The following PLXNA1 variants were observed in gnomAD, a reference collection of about 807,000 sequenced individuals.
PLXNA1 encodes plexin A1, also known as plexin-A1.
A neutral mutation model predicts 191.7 loss-of-function variants in PLXNA1; 77 were observed. That is an observed-to-expected ratio of 0.40 (90% confidence interval 0.33 to 0.49). PLXNA1 has a LOEUF of 0.49. Ranked by LOEUF, PLXNA1 falls within the 20% of genes least tolerant of loss-of-function variation. The probability of loss-of-function intolerance (pLI) is 0.63; values close to 1 mark genes in which losing one functional copy is unlikely to be tolerated. For synonymous variants in PLXNA1, 1,137 were observed against 1,156.4 expected, an observed-to-expected ratio of 0.98 and a Z score of 0.34; for missense variants, 2,110 against 2,660.2, an observed-to-expected ratio of 0.79 and a Z score of 4.55.
In PLXNA1 at chr3:126,989,084, A is replaced by G. The variant is rs1200163670; in HGVS notation, c.491A>G (p.Gln164Arg). 2 of 1,613,430 alleles carry G rather than the reference A, an allele frequency of 1.2e-6. No homozygotes were observed. Among genetic ancestry groups the G allele is most frequent in the Non-Finnish European group, 1.7e-6 (2 of 1,180,034 alleles). The change falls in exon 2 of 32, where the codon CAG (glutamine) becomes CGG (arginine). Residue 164 changes from glutamine (Q) to arginine (R), a missense_variant. Coordinates refer to ENST00000393409, the MANE Select transcript of PLXNA1 (RefSeq NM_032242.4). ...HRKEHYLSSV[Q>R]EAGSMAGVLI... Reference sequence around the variant, plus strand: ...AAGGAGCACTACCTGTCCAGCGTGCAGGAGGCAGGCAGCATGGCGGGCGTG... The same window carrying G: ...AAGGAGCACTACCTGTCCAGCGTGCGGGAGGCAGGCAGCATGGCGGGCGTG...
Position 127,016,690 on chromosome 3 carries a change from G to A in PLXNA1, c.3182+6G>A. 3 of 1,613,810 alleles carry A rather than the reference G, an allele frequency of 1.9e-6. No homozygotes were observed. Among genetic ancestry groups the A allele is most frequent in the Non-Finnish European group, 2.5e-6 (3 of 1,179,892 alleles). ...CCCGAGTGGAGCATCAACAGGTGGGGCCCAGCAACACCCATTCCCTATCCC... is the reference window on the plus strand; with the variant it reads ...CCCGAGTGGAGCATCAACAGGTGGGACCCAGCAACACCCATTCCCTATCCC... On this transcript the variant is annotated splice_donor_region_variant and intron_variant, in intron 16 of 31. Transcript: ENST00000393409.
intron 23 of PLXNA1, 113 bp downstream of exon 23, chr3:127,022,931 T>A: frequency 1.0e-6 from 1 of 973,402 alleles, no homozygotes; most frequent in Admixed American, 1.9e-5. Context: ...TGGTGGGGTC[T>A]TGGTCGAGTT....
chr3:127,032,255 T>C (rs2079215141), intron 29 of PLXNA1, 132 bp from the exon 30 acceptor site: 1 of 871,808 alleles, frequency 1.1e-6, no homozygotes, highest in Admixed American at 2.5e-5. Context: ...GCCCTGCACC[T>C]CTGTGGGCCT....
chr3:126,984,473 G>A (rs751374374), intron 1 of PLXNA1, among the ~76,000 whole-genome samples: 1 of 152,166 alleles, frequency 6.6e-6, no homozygotes, highest in Non-Finnish European at 1.5e-5. Context: ...AGGTCCCCTC[G>A]ATTTCCTGCG....
rs1385567458 is a variant in PLXNA1 at position 127,006,125 on chromosome 3, G to A, written c.1944G>A (p.Gly648=). The A allele has an allele frequency of 5.0e-6, 8 of 1,613,784 alleles. No homozygotes were observed. The highest frequency in any genetic ancestry group is 6.8e-6 in the Non-Finnish European group (8 of 1,179,996). Residue 648 remains glycine (G), a synonymous_variant, in exon 8 of 32, where the codon GGG becomes GGA. Transcript: ENST00000393409. ...VKLYLKSKET[G]KKFASVDFVF... Reference sequence around the variant, plus strand: ...TCTACCTAAAGTCCAAGGAGACAGGGAAGAAGTTTGCGTCTGTGGACTTCG... The same window carrying A: ...TCTACCTAAAGTCCAAGGAGACAGGAAAGAAGTTTGCGTCTGTGGACTTCG...
intron 20 of PLXNA1, 81 bp from the exon 21 acceptor site, chr3:127,020,121 G>A (rs2079144975): frequency 6.5e-7 from 1 of 1,529,482 alleles, no homozygotes; most frequent in African/African-American, 1.4e-5. Flanking sequence ...AGGATTTGAT[G>A]TAGGCCCCAA....
chr3:127,028,426 G>C (rs1285837638), intron 25 of PLXNA1, 86 bp downstream of exon 25: 1 of 1,424,026 alleles, frequency 7.0e-7, no homozygotes, highest in African/African-American at 1.4e-5. Context: ...TGGCGGGGAA[G>C]GCCAGGCCAG....
At chr3:127,021,818 T>A (rs893713156) in intron 21 of PLXNA1, among the ~76,000 whole-genome samples, 1 of 152,214 alleles carries the variant, frequency 6.6e-6, no homozygotes, top group Non-Finnish European at 1.5e-5. Context: ...CTTCTCAGGC[T>A]GCCACAGGGA....
At chr3:127,021,073 C>A (rs1333173483) in intron 21 of PLXNA1, among the ~76,000 whole-genome samples, 2 of 152,212 alleles carry the variant, frequency 1.3e-5, no homozygotes, top group Admixed American at 1.3e-4. Context: ...AGGGCACCCC[C>A]CAACCGTGTG....
At position 127,004,923 on chromosome 3, in the gene PLXNA1, C is replaced by T; in HGVS notation, c.1658C>T (p.Pro553Leu). ...GACGCCTGTGAGCGAGCAGACGAGC[C>T]CCAGCGCTTTGCTGCGGACCTGCTG... ...RRDACERADE[P>L]QRFAADLLQC... is the part of the protein sequence containing the mutation. The change falls in exon 6 of 32, where the codon CCC becomes CTC. Residue 553 changes from proline to leucine, a missense_variant. Transcript: ENST00000393409. The T allele has an allele frequency of 6.2e-7, 1 of 1,608,380 alleles. No homozygotes were observed. Among genetic ancestry groups the T allele is most frequent in the Non-Finnish European group, 8.5e-7 (1 of 1,176,610 alleles).
intron 27 of PLXNA1, 110 bp downstream of exon 27, chr3:127,029,646 G>A (rs1288726118): frequency 2.4e-6 from 3 of 1,245,646 alleles, no homozygotes; most frequent in Non-Finnish European, 3.5e-6. Context: ...CCAGGGGCAG[G>A]TGTCAAGCCT....
At chr3:127,027,888 TG>T in intron 23 of PLXNA1, 51 bp from the exon 24 acceptor site, 1 of 1,607,992 alleles carries the variant, frequency 6.2e-7, no homozygotes, top group Non-Finnish European at 8.5e-7. Context: ...AGGGGCAGGT[TG>T]GGGGTAGGCC....
At position 127,014,049 on chromosome 3, in the gene PLXNA1, C is replaced by A; in HGVS notation, c.2343C>A (p.Asp781Glu). ...CCTACGAGGGGAACGATGTCAGCGA[C>A]CTGCCAGTGAACCTGTCAGTCGTGT... ...SYSYEGNDVSDLPVNLSVVWN... is the reference protein window; with the variant it reads ...SYSYEGNDVSELPVNLSVVWN... Residue 781 changes from aspartate to glutamate, a missense_variant, in exon 11 of 32, where the codon GAC (aspartate) becomes GAA (glutamate). Asp to Glu is a conservative substitution (Grantham distance 45). Transcript: ENST00000393409. 2.5e-6 allele frequency: 4 copies of A among 1,613,964 alleles called. No individual in the cohort carries two copies. In the South Asian group the frequency reaches 4.4e-5, roughly 18 times the overall value.
intron 20 of PLXNA1, 83 bp downstream of exon 20, chr3:127,018,611 C>T (rs549050772): frequency 2.5e-5 from 26 of 1,020,064 alleles, no homozygotes; most frequent in African/African-American, 1.1e-4. Context: ...TTCCCACCGC[C>T]GCCCCCACCC....
At chr3:127,010,394 T>C (rs1384357479) in intron 9 of PLXNA1, among the ~76,000 whole-genome samples, 1 of 152,138 alleles carries the variant, frequency 6.6e-6, no homozygotes, top group African/African-American at 2.4e-5. Flanking sequence ...TCACTGGAGT[T>C]TCAGCCTAAT....
intron 7 of PLXNA1, 52 bp downstream of exon 7, chr3:127,005,295 C>A: frequency 6.4e-7 from 1 of 1,551,800 alleles, no homozygotes; most frequent in Non-Finnish European, 8.7e-7. Flanking sequence ...TCCAGGGCTG[C>A]AATCCAGTTG....
At chr3:127,019,613 C>G (rs2079142879) in intron 20 of PLXNA1, among the ~76,000 whole-genome samples, 2 of 152,236 alleles carry the variant, frequency 1.3e-5, no homozygotes, top group Admixed American at 1.3e-4. Flanking sequence ...CAGATGTCCC[C>G]CAGAGCCTGC....
chr3:127,019,849 C>T (rs903037008), intron 20 of PLXNA1, among the ~76,000 whole-genome samples: 3 of 152,188 alleles, frequency 2.0e-5, no homozygotes, highest in African/African-American at 7.2e-5. Flanking sequence ...GACCTCACCC[C>T]TGGCCGCACT....
rs768153165 is a variant in PLXNA1 at position 127,017,492 on chromosome 3, G to T, written c.3344G>T (p.Ser1115Ile). 1 of 1,613,564 alleles carries T rather than the reference G, an allele frequency of 6.2e-7. No individual in the cohort carries two copies. Among genetic ancestry groups the T allele is most frequent in the South Asian group, 1.1e-5 (1 of 91,086 alleles). ...RAPSVANPVR[S>I]PPELGERPDE... ...CCGTCTGTGGCCAACCCTGTGCGCAGCCCACCAGAGCTGGGGGAGCGGCCG... is the reference window on the plus strand; with the variant it reads ...CCGTCTGTGGCCAACCCTGTGCGCATCCCACCAGAGCTGGGGGAGCGGCCG... Residue 1115 changes from serine (S) to isoleucine (I), a missense_variant, in exon 18 of 32, where the codon AGC becomes ATC. By Grantham distance (142) the Ser-to-Ile change is moderately radical. Around this residue, in one of 4 missense-constraint regions of PLXNA1, gnomAD observed 644 missense variants for 714.3 expected, o/e 0.90. Transcript: ENST00000393409.
Sources: gnomAD v4.1 joint callset for allele counts (sites outside exome capture counted in the v4.1 genomes callset) on GRCh38, gnomAD v4.1.1 for gene constraint, gnomAD v4.1.1 regional missense constraint, MANE v1.5 for transcripts, NCBI Gene and HGNC (gene_info 2026-07-23, HGNC 2026-07-21) for gene names.